The following FARP1 variants were observed in gnomAD, a reference collection of about 807,000 sequenced individuals.
FARP1 encodes the protein FERM, ARHGEF and pleckstrin domain-containing protein 1.
FARP1 carries 52 observed loss-of-function variants against 128.8 expected under a neutral mutation model. That is an observed-to-expected ratio of 0.40 (90% CI 0.32 to 0.51). The LOEUF (loss-of-function observed/expected upper bound fraction) is 0.51. Among genes scored for constraint, FARP1 ranks in the 20% least tolerant of loss-of-function variants. The pLI is 0.45. For missense variants in FARP1, 1,333 were observed against 1,367.9 expected, an observed-to-expected ratio of 0.97 and a Z score of 0.40; for synonymous variants, 580 against 551.8, an observed-to-expected ratio of 1.05 and a Z score of -0.72.
At chr13:98,441,659 A>C (rs1892529634) in intron 24 of FARP1, among the ~76,000 whole-genome samples, 1 of 152,274 alleles carries the variant, frequency 6.6e-6, no homozygotes, top group South Asian at 2.1e-4. Context: ...CAGCTCTTAC[A>C]CAGAACGGTG....
At chr13:98,264,352 G>C (rs1407206930) in intron 2 of FARP1, among the ~76,000 whole-genome samples, 2 of 152,212 alleles carry the variant, frequency 1.3e-5, no homozygotes, top group Non-Finnish European at 2.9e-5. Flanking sequence ...ATGCCATTCT[G>C]AGCAGCGTGA....
chr13:98,330,525 C>A (rs547484056), intron 2 of FARP1, among the ~76,000 whole-genome samples: 2 of 152,204 alleles, frequency 1.3e-5, no homozygotes, highest in East Asian at 3.9e-4. Context: ...GAGGCCGAGG[C>A]AGGTGGATCA....
rs1238427360 is a variant in FARP1 at position 98,209,072 on chromosome 13, G to A, written c.-23-4148G>A. 2.6e-5 allele frequency among the ~76,000 whole-genome samples: 4 copies of A among 152,216 alleles called. No homozygotes were observed. The South Asian group carries it at 6.2e-4, about 24-fold the overall frequency. On this transcript the variant is annotated intron_variant, in intron 1 of 26. Coordinates refer to ENST00000319562, the MANE Select transcript of FARP1 (RefSeq NM_005766.4). ...CACCCAGGCTGGAGTGCAGTGGCAC[G>A]ATCTCGGCTCACTGTAAGCTCCGCC...
At chr13:98,417,455 GAAAA>G (rs869304302) in intron 16 of FARP1, among the ~76,000 whole-genome samples, 2,005 of 58,494 alleles carry the variant, frequency 0.034, 41 homozygotes, top group Middle Eastern at 0.075. Flanking sequence ...CCAGAGGTTT[GAAAA>G]AAAAAAAAAA....
intron 2 of FARP1, among the ~76,000 whole-genome samples, chr13:98,214,030 C>T (rs1395181291): frequency 6.6e-6 from 1 of 152,178 alleles, no homozygotes; most frequent in Non-Finnish European, 1.5e-5. Flanking sequence ...CCGCAGGGCC[C>T]TGGACAGAGC....
intron 2 of FARP1, among the ~76,000 whole-genome samples, chr13:98,325,297 T>C (rs1194744681): frequency 6.6e-6 from 1 of 152,228 alleles, no homozygotes. Flanking sequence ...GATTACTAAC[T>C]TGGTTAATAA....
intron 1 of FARP1, among the ~76,000 whole-genome samples, chr13:98,191,669 A>G (rs572646076): frequency 4.5e-4 from 69 of 152,306 alleles, no homozygotes; most frequent in African/African-American, 1.6e-3. Flanking sequence ...TTGGCCAGGT[A>G]CAGTGGCTCA....
intron 2 of FARP1, among the ~76,000 whole-genome samples, chr13:98,281,530 C>G (rs1884937303): frequency 6.6e-6 from 1 of 152,110 alleles, no homozygotes; most frequent in Admixed American, 6.6e-5. Context: ...AATCTGTATT[C>G]ACTACAGTCC....
chr13:98,299,793 G>A (rs1244413018), intron 2 of FARP1, among the ~76,000 whole-genome samples: 1 of 152,182 alleles, frequency 6.6e-6, no homozygotes, highest in African/African-American at 2.4e-5. Context: ...CGACTGCACG[G>A]ACAAAAATGT....
intron 1 of FARP1, among the ~76,000 whole-genome samples, chr13:98,159,061 C>T (rs1247611693): frequency 6.6e-6 from 1 of 152,218 alleles, no homozygotes; most frequent in Non-Finnish European, 1.5e-5. Context: ...TGCCAAAACC[C>T]ATTTCCTGAA....
chr13:98,257,388 T>C lies in FARP1; in HGVS notation c.171+43975T>C, dbSNP rs190109281. On this transcript the variant is annotated intron_variant, in intron 2 of 26. Coordinates refer to ENST00000319562, the MANE Select transcript of FARP1 (RefSeq NM_005766.4). ...TTTGTCAAAAATACACATTCTTCTT[T>C]TCCTCGTCTGTTTTGTTACCTTCTC... Among the ~76,000 whole-genome samples, 312 of 152,298 alleles carry C rather than the reference T, an allele frequency of 2.0e-3. 1 individual carries two copies. The highest frequency in any genetic ancestry group is 3.4e-3 in the Non-Finnish European group (228 of 68,026).
intron 2 of FARP1, among the ~76,000 whole-genome samples, chr13:98,340,328 A>G (rs1056288290): frequency 4.6e-5 from 7 of 152,190 alleles, no homozygotes; most frequent in African/African-American, 1.4e-4. Context: ...ATCTTACAGT[A>G]TGGGAATTCT....
chr13:98,320,703 A>G (rs1196965945), intron 2 of FARP1, among the ~76,000 whole-genome samples: 1 of 152,192 alleles, frequency 6.6e-6, no homozygotes, highest in Non-Finnish European at 1.5e-5. Context: ...ACCTCCAACA[A>G]TGGTATCTTC....
intron 5 of FARP1, among the ~76,000 whole-genome samples, chr13:98,372,958 G>A (rs1189889292): frequency 6.6e-6 from 1 of 152,224 alleles, no homozygotes; most frequent in Non-Finnish European, 1.5e-5. Context: ...AGGTGTTGCA[G>A]AATCTCTAAA....
chr13:98,171,483 A>C (rs1041969307), intron 1 of FARP1, among the ~76,000 whole-genome samples: 1 of 152,154 alleles, frequency 6.6e-6, no homozygotes, highest in Non-Finnish European at 1.5e-5. Flanking sequence ...TGTCACCCAA[A>C]AGTCAGTAGA....
At chr13:98,381,182 G>T (rs1889875745) in intron 6 of FARP1, among the ~76,000 whole-genome samples, 1 of 152,128 alleles carries the variant, frequency 6.6e-6, no homozygotes, top group Non-Finnish European at 1.5e-5. Context: ...TATGTGTAAG[G>T]CCCCATTTCT....
intron 2 of FARP1, among the ~76,000 whole-genome samples, chr13:98,244,118 C>A (rs1466555308): frequency 2.0e-5 from 3 of 151,958 alleles, no homozygotes; most frequent in Non-Finnish European, 4.4e-5. Context: ...AGAATATATT[C>A]ATGTAAGCAC....
chr13:98,287,261 T>C (rs1346894309), intron 2 of FARP1, among the ~76,000 whole-genome samples: 1 of 133,596 alleles, frequency 7.5e-6, no homozygotes, highest in South Asian at 2.5e-4. Context: ...GATGGAGTCT[T>C]GCTCTCTCTC....
intron 16 of FARP1, among the ~76,000 whole-genome samples, chr13:98,421,420 G>A (rs957839887): frequency 3.3e-5 from 5 of 152,158 alleles, no homozygotes; most frequent in Non-Finnish European, 1.5e-5. Flanking sequence ...ACTGATGGAA[G>A]CCAGAATCCT....
Sources: gnomAD v4.1 joint callset for allele counts (sites outside exome capture counted in the v4.1 genomes callset) on GRCh38, gnomAD v4.1.1 for gene constraint, MANE v1.5 for transcripts, NCBI Gene and HGNC (gene_info 2026-07-23, HGNC 2026-07-21) for gene names.